Variants in APPBP2 observed in about 807,000 individuals in gnomAD.
APPBP2 encodes amyloid protein-binding protein 2.
A neutral mutation model predicts 76.0 loss-of-function variants in APPBP2; 15 were observed. The ratio of observed to expected loss-of-function variants is 0.20; its 90% CI spans 0.13 to 0.30. The LOEUF (loss-of-function observed/expected upper bound fraction) is 0.30, where lower values mean the gene tolerates loss of function less well. Among genes scored for constraint, APPBP2 ranks in the 10% least tolerant of loss-of-function variants. The probability of loss-of-function intolerance (pLI) is 1.00; values close to 1 mark genes in which losing one functional copy is unlikely to be tolerated. For synonymous variants in APPBP2, 222 were observed against 242.2 expected (o/e 0.92, Z 0.77); for missense variants, 401 against 687.2 (o/e 0.58, Z 4.66).
intron 1 of APPBP2, among the ~76,000 whole-genome samples, chr17:60,524,447 G>A (rs1249958773): frequency 6.6e-6 from 1 of 151,554 alleles, no homozygotes; most frequent in Admixed American, 6.6e-5. Context: ...TGTATCAAAG[G>A]GATTAGGAAA....
In APPBP2 at chr17:60,445,399, T is replaced by C. The variant is rs1180503199; in HGVS notation, c.*2182A>G. 1 of 152,578 alleles carries C rather than the reference T, an allele frequency of 6.6e-6. No homozygotes were observed. Among genetic ancestry groups the C allele is most frequent in the Non-Finnish European group, 1.5e-5 (1 of 68,032 alleles). 9.5% of individuals were successfully genotyped at this position (152,578 alleles called of 1,614,324 possible). On this transcript the variant is annotated 3_prime_UTR_variant, in exon 13 of 13. Transcript: ENST00000083182. Reference sequence around the variant, plus strand: ...AGGCTGTAAGTCATTTGTTTATTTTTATCCTAGGAAATGCTGTATGTGCAC... The same window carrying C: ...AGGCTGTAAGTCATTTGTTTATTTTCATCCTAGGAAATGCTGTATGTGCAC...
At chr17:60,462,123 T>C (rs1159400714) in intron 6 of APPBP2, 62 bp from the exon 7 acceptor site, 1 of 1,250,432 alleles carries the variant, frequency 8.0e-7, no homozygotes. Context: ...AAAATACGTG[T>C]AGTTTATATA....
At chr17:60,496,273 T>C (rs1332423772) in intron 2 of APPBP2, 7 of 152,222 alleles carry the variant, frequency 4.6e-5, no homozygotes, top group Non-Finnish European at 1.0e-4. Context: ...GAATTTAAAT[T>C]GGTGAATTTT....
At chr17:60,469,982 C>T (rs148481451) in intron 4 of APPBP2, among the ~76,000 whole-genome samples, 181 of 152,162 alleles carry the variant, frequency 1.2e-3, no homozygotes, top group African/African-American at 4.2e-3. Context: ...CACCATTTTA[C>T]ATTCCCAGCA....
chr17:60,469,414 A>ATT (rs142290033), intron 4 of APPBP2, among the ~76,000 whole-genome samples: 46 of 151,054 alleles, frequency 3.0e-4, no homozygotes, highest in African/African-American at 1.1e-3. Flanking sequence ...GGGTTTAATA[A>ATT]TTTTTTTTTA....
chr17:60,457,177 A>C (rs1598347652), intron 9 of APPBP2, among the ~76,000 whole-genome samples: 1 of 150,566 alleles, frequency 6.6e-6, no homozygotes. Flanking sequence ...AGCCTACTTT[A>C]CTCTTCTTCA....
At chr17:60,516,088 A>G (rs991603534) in intron 1 of APPBP2, among the ~76,000 whole-genome samples, 2 of 152,130 alleles carry the variant, frequency 1.3e-5, no homozygotes, top group African/African-American at 4.8e-5. Context: ...GCTTGAACCC[A>G]GAAGGCAGAG....
At chr17:60,454,247 T>G (rs2090416831) in intron 11 of APPBP2, 55 bp downstream of exon 11, 1 of 1,264,284 alleles carries the variant, frequency 7.9e-7, no homozygotes, top group African/African-American at 1.5e-5. Flanking sequence ...ATTTATTATT[T>G]CAGGTTCTAT....
chr17:60,503,641 C>A (rs1432757725), intron 1 of APPBP2, among the ~76,000 whole-genome samples: 1 of 146,568 alleles, frequency 6.8e-6, no homozygotes, highest in East Asian at 1.9e-4. Flanking sequence ...CTGCCTTAGC[C>A]TCCCAATGTG....
At chr17:60,514,669 T>C (rs2090948187) in intron 1 of APPBP2, among the ~76,000 whole-genome samples, 1 of 151,536 alleles carries the variant, frequency 6.6e-6, no homozygotes, top group South Asian at 2.1e-4. Context: ...GAATATCCTC[T>C]AACAGGATTT....
chr17:60,474,227 A>T (rs1249517551), intron 4 of APPBP2, among the ~76,000 whole-genome samples: 1 of 150,978 alleles, frequency 6.6e-6, no homozygotes, highest in Non-Finnish European at 1.5e-5. Context: ...TTGGAGTGCA[A>T]TGGTGCAATC....
At chr17:60,485,447 G>A (rs553239488) in intron 3 of APPBP2, among the ~76,000 whole-genome samples, 20 of 152,066 alleles carry the variant, frequency 1.3e-4, no homozygotes, top group South Asian at 4.2e-4. Flanking sequence ...GTATGTGTCC[G>A]GGCATTTATC....
Position 60,525,933 on chromosome 17 carries a change from T to C in APPBP2, c.-2A>G, listed in dbSNP as rs1191410598. 5.6e-6 allele frequency: 9 copies of C among 1,607,274 alleles called. No individual in the cohort carries two copies. Among genetic ancestry groups the C allele is most frequent in the Non-Finnish European group, 7.6e-6 (9 of 1,177,026 alleles). ...CCACTCTAGTTCCACGGCCGCCATC[T>C]TCCTTCCCTCCTCCTCCGCCTCCTC... On this transcript the variant is annotated 5_prime_UTR_variant, in exon 1 of 13. Transcript: ENST00000083182.
chr17:60,520,122 T>C (rs1458696213), intron 1 of APPBP2, among the ~76,000 whole-genome samples: 1 of 152,124 alleles, frequency 6.6e-6, no homozygotes, highest in Non-Finnish European at 1.5e-5. Context: ...AACTGAATGT[T>C]AGTTCAGGCT....
intron 3 of APPBP2, among the ~76,000 whole-genome samples, chr17:60,490,445 GA>G (rs1452524196): frequency 1.3e-5 from 2 of 152,176 alleles, no homozygotes; most frequent in Non-Finnish European, 2.9e-5. Context: ...AGTAGTTTGG[GA>G]AGAATGCTTG....
intron 9 of APPBP2, chr17:60,459,591 C>T (rs2090461380): frequency 6.8e-6 from 1 of 147,128 alleles, no homozygotes; most frequent in South Asian, 2.2e-4. Flanking sequence ...CTCTTGGGTT[C>T]AAGCAATTGT....
At chr17:60,507,028 C>T (rs529822280) in intron 1 of APPBP2, among the ~76,000 whole-genome samples, 3 of 152,132 alleles carry the variant, frequency 2.0e-5, no homozygotes, top group African/African-American at 4.8e-5. Context: ...GAGCAAGACT[C>T]CATCTCAAAA....
At chr17:60,493,081 T>C (rs1164733629) in intron 3 of APPBP2, among the ~76,000 whole-genome samples, 1 of 152,076 alleles carries the variant, frequency 6.6e-6, no homozygotes, top group Admixed American at 6.6e-5. Context: ...TTATAAGGGG[T>C]TTCCCCTATC....
intron 11 of APPBP2, 73 bp from the exon 12 acceptor site, chr17:60,452,118 C>G: frequency 2.1e-6 from 3 of 1,430,872 alleles, no homozygotes; most frequent in Non-Finnish European, 2.9e-6. Context: ...ATGAGCAAAA[C>G]TGATCTAAAT....
Sources: allele counts gnomAD v4.1 joint callset (sites outside exome capture counted in the v4.1 genomes callset), GRCh38; gene constraint gnomAD v4.1.1; transcripts MANE v1.5; gene names NCBI Gene and HGNC (gene_info 2026-07-23, HGNC 2026-07-21).